The following ITGA7 variants were observed in gnomAD, a reference collection of about 807,000 sequenced individuals.
ITGA7 encodes the protein integrin alpha-7.
A neutral mutation model predicts 131.6 loss-of-function variants in ITGA7; 84 were observed. That is an observed-to-expected ratio of 0.64 (90% confidence interval 0.54 to 0.77). The LOEUF is 0.77. Among genes scored for constraint, ITGA7 ranks in the 30% least tolerant of loss-of-function variants. The pLI is 0.00. For synonymous variants in ITGA7, 548 were observed against 600.7 expected, an observed-to-expected ratio of 0.91 and a Z score of 1.28; for missense variants, 1,399 against 1,482.9, an observed-to-expected ratio of 0.94 and a Z score of 0.93.
chr12:55,696,345 GGCCAGGA>G lies in ITGA7; in HGVS notation c.1818_1824del (p.Pro607ArgfsTer25). ...ATGGGGGCCACTGGAGGCAGCCCCT[GGCCAGGA>G]GCCTGTCGCCGGAGCCGAGGGGTCT... On this transcript the variant is annotated frameshift_variant, in exon 13 of 25. Coordinates refer to ENST00000257879, the MANE Select transcript of ITGA7 (RefSeq NM_002206.3). LOFTEE classifies it high-confidence loss of function. 6.3e-7 allele frequency: 1 copy of G among 1,587,522 alleles called. No homozygotes were observed.
chr12:55,695,307 G>A (rs1370546336), intron 14 of ITGA7: 1 of 602,766 alleles, frequency 1.7e-6, no homozygotes, highest in South Asian at 2.0e-5. Flanking sequence ...TATTATTAGT[G>A]TACTGTGAAG....
At chr12:55,708,036 T>G, upstream of ITGA7, 4 of 1,144,682 alleles carry the variant, frequency 3.5e-6, no homozygotes, top group African/African-American at 1.7e-5. Flanking sequence ...GGATGGAAAC[T>G]AGCCTTGCTG....
chr12:55,699,711 T>C (rs915525070), intron 5 of ITGA7, 159 bp downstream of exon 5: 16 of 974,084 alleles, frequency 1.6e-5, no homozygotes, highest in South Asian at 2.9e-5. Flanking sequence ...GGCCTGATCA[T>C]TGGACCCAGC....
At chr12:55,700,332 AC>A in intron 4 of ITGA7, 2 of 1,610,450 alleles carry the variant, frequency 1.2e-6, no homozygotes, top group Non-Finnish European at 1.7e-6. Flanking sequence ...CCTCGTAGGG[AC>A]CGTCGTCCAG....
chr12:55,690,886 G>A (rs1021984993), intron 21 of ITGA7, among the ~76,000 whole-genome samples: 9 of 151,840 alleles, frequency 5.9e-5, no homozygotes, highest in Admixed American at 2.0e-4. Context: ...ACCAAACACC[G>A]CATATTCTCA....
chr12:55,707,505 G>A lies in ITGA7; in HGVS notation c.178C>T (p.Arg60Trp), dbSNP rs374374611. The A allele has an allele frequency of 1.2e-5, 19 of 1,613,670 alleles. No individual in the cohort carries two copies. The highest frequency in any genetic ancestry group is 3.3e-5 in the South Asian group (3 of 91,080). ...CTCTGGGGTCGGGGCTGCAACTGCC[G>A]GTGCAGGGCCACAGAGAAGCCGAAG... ...SLFGFSVALH[R>W]QLQPRPQSWL... The change falls in exon 1 of 25, where the codon CGG becomes TGG. Residue 60 changes from arginine (R) to tryptophan (W), a missense_variant. Physicochemically the swap from Arg to Trp is moderately radical, Grantham distance 101 (BLOSUM62 -3). Coordinates refer to ENST00000257879, the MANE Select transcript of ITGA7 (RefSeq NM_002206.3).
chr12:55,697,817 C>T lies in ITGA7; in HGVS notation c.1287G>A (p.Leu429=), dbSNP rs781268965. 1.2e-6 allele frequency: 2 copies of T among 1,614,150 alleles called. No individual in the cohort carries two copies. The highest frequency in any genetic ancestry group is 1.6e-4 in the Middle Eastern group (1 of 6,062). Reference sequence around the variant, plus strand: ...TCTTGATGCCCACAGCCTCGCCCTCCAGCACCTAGAGAACCAGCTGTCAGC... The same window carrying T: ...TCTTGATGCCCACAGCCTCGCCCTCTAGCACCTAGAGAACCAGCTGTCAGC... ...LGVVAKPSQV[L]EGEAVGIKSF... The change falls in exon 9 of 25, where the codon CTG becomes CTA. Residue 429 remains leucine (L), a synonymous_variant. Transcript: ENST00000257879.
chr12:55,699,680 C>T, intron 5 of ITGA7, 190 bp downstream of exon 5: 3 of 715,408 alleles, frequency 4.2e-6, no homozygotes, highest in Non-Finnish European at 7.0e-6. Flanking sequence ...AGGCCACCAC[C>T]CTGGGGGCCT....
At chr12:55,686,366 G>C in intron 24 of ITGA7, 1 of 1,104,600 alleles carries the variant, frequency 9.1e-7, no homozygotes, top group Non-Finnish European at 1.2e-6. Context: ...TGGAAAGATT[G>C]AGGAAGGACA....
At chr12:55,712,122 ACCATGG>A, upstream of ITGA7, 1 of 1,551,486 alleles carries the variant, frequency 6.4e-7, no homozygotes, top group Non-Finnish European at 8.7e-7. Flanking sequence ...CAAAGCTTGA[ACCATGG>A]GAGTGGCTGG....
rs1057523162 is a variant in ITGA7, at chr12:55,694,967, A to G, written c.2007T>C (p.Asp669=). 1 of 1,613,050 alleles carries G rather than the reference A, an allele frequency of 6.2e-7. No homozygotes were observed. Among genetic ancestry groups the G allele is most frequent in the Non-Finnish European group, 8.5e-7 (1 of 1,179,934 alleles). Reference sequence around the variant, plus strand: ...CAAACAGGGCTGTTGTTCCATCCACATCCCTGGAGAGTCAGACCCCACTCC... The same window carrying G: ...CAAACAGGGCTGTTGTTCCATCCACGTCCCTGGAGAGTCAGACCCCACTCC... ...SDTEFQPLPM[D]VDGTTALFAL... The change falls in exon 15 of 25, where the codon GAT becomes GAC. Residue 669 remains aspartate, a synonymous_variant. Transcript: ENST00000257879. This position sits in a 1 kb window ranked among gnomAD's most constrained non-coding sequence, Gnocchi z 5.3.
Position 55,685,056 on chromosome 12 carries a change from A to T in ITGA7, c.*2T>A. The T allele has an allele frequency of 6.3e-7, 1 of 1,575,860 alleles. No homozygotes were observed. The highest frequency in any genetic ancestry group is 1.2e-5 in the South Asian group (1 of 85,634). ...CCACAGGCCAGGCTGGGACATGGGA[A>T]CCTAGGCGGTGCCTGGCCCTGGATG... On this transcript the variant is annotated 3_prime_UTR_variant, in exon 25 of 25. Coordinates refer to ENST00000257879, the MANE Select transcript of ITGA7 (RefSeq NM_002206.3).
chr12:55,715,106 G>A (rs1235784156), upstream of ITGA7, among the ~76,000 whole-genome samples: 1 of 152,072 alleles, frequency 6.6e-6, no homozygotes, highest in Non-Finnish European at 1.5e-5. Flanking sequence ...TGATCCGCCC[G>A]CCTCGGCCTC....
Position 55,703,109 on chromosome 12 carries a change from G to A in ITGA7, c.276C>T (p.Phe92=), listed in dbSNP as rs1169742092. 4.3e-6 allele frequency: 7 copies of A among 1,613,876 alleles called. No individual in the cohort carries two copies. Among genetic ancestry groups the A allele is most frequent in the African/African-American group, 1.3e-5 (1 of 74,944 alleles). ...TCTCCTCCAGGCTCAACGGGCAAGC[G>A]AAGAGGCCTCCAGTGCGATTCGCCT... is the stretch of plus-strand genomic sequence containing the variant. ...GQQANRTGGL[F]ACPLSLEETD... The change falls in exon 2 of 25, where the codon TTC becomes TTT. Residue 92 remains phenylalanine (F), a synonymous_variant. Transcript: ENST00000257879.
At chr12:55,696,174 A>G in intron 13 of ITGA7, 109 bp downstream of exon 13, 1 of 1,165,064 alleles carries the variant, frequency 8.6e-7, no homozygotes, top group Non-Finnish European at 1.2e-6. Context: ...TTACTGGAGT[A>G]GCATACGTGA....
At chr12:55,698,664 A>G (rs1333256624) in intron 6 of ITGA7, 46 bp downstream of exon 6, 1 of 1,612,474 alleles carries the variant, frequency 6.2e-7, no homozygotes, top group Non-Finnish European at 8.5e-7. Context: ...GACTGGGGCT[A>G]CTAGACCCAG....
chr12:55,699,334 C>T (rs1372502042), intron 5 of ITGA7, among the ~76,000 whole-genome samples: 1 of 152,174 alleles, frequency 6.6e-6, no homozygotes, highest in East Asian at 1.9e-4. Context: ...GCCCGAATCC[C>T]ACCCAGTGCA....
At chr12:55,695,818 A>G (rs1872522839) in intron 13 of ITGA7, among the ~76,000 whole-genome samples, 181 bp from the exon 14 acceptor site, 1 of 151,980 alleles carries the variant, frequency 6.6e-6, no homozygotes, top group Admixed American at 6.5e-5. Flanking sequence ...TCCTCTCATC[A>G]TGGTAGTGAT....
Position 55,698,516 on chromosome 12 carries a change from A to G in ITGA7, c.1059T>C (p.Gly353=). ...CCTGGTTCAAGTACACATACACAGCACCCCCCAGCTCTTCTTGGCGCTCAA... is the reference window on the plus strand; with the variant it reads ...CCTGGTTCAAGTACACATACACAGCGCCCCCCAGCTCTTCTTGGCGCTCAA... The part of the protein sequence containing the change: ...YFFERQEELG[G]AVYVYLNQGG... Residue 353 remains glycine, a synonymous_variant, in exon 7 of 25, where the codon GGT becomes GGC. Coordinates refer to ENST00000257879, the MANE Select transcript of ITGA7 (RefSeq NM_002206.3). 6.2e-7 allele frequency: 1 copy of G among 1,613,580 alleles called. No individual in the cohort carries two copies. Among genetic ancestry groups the G allele is most frequent in the East Asian group, 2.2e-5 (1 of 44,840 alleles).
Sources: gnomAD v4.1 joint callset for allele counts (sites outside exome capture counted in the v4.1 genomes callset) on GRCh38, gnomAD v4.1.1 for gene constraint, Gnocchi (gnomAD v3.1) non-coding constraint, MANE v1.5 for transcripts, NCBI Gene and HGNC (gene_info 2026-07-23, HGNC 2026-07-21) for gene names.